ANTXR1: variants seen among roughly 807,000 people sequenced by gnomAD.
ANTXR1 encodes anthrax toxin receptor 1.
A neutral mutation model predicts 78.1 loss-of-function variants in ANTXR1; 19 were observed. The observed-to-expected ratio is 0.24, with a 90% CI of 0.17 to 0.36. The LOEUF is 0.36. ANTXR1 is among the 10% of genes least tolerant of loss of function. ANTXR1 has a pLI of 1.00. For missense variants in ANTXR1, 518 were observed against 718.6 expected (o/e 0.72, Z 3.19); for synonymous variants, 273 against 260.5 (o/e 1.05, Z -0.46).
chr2:69,203,135 A>G (rs1674815293), intron 17 of ANTXR1, among the ~76,000 whole-genome samples: 1 of 152,262 alleles, frequency 6.6e-6, no homozygotes, highest in African/African-American at 2.4e-5. Flanking sequence ...CAGAATTCCT[A>G]TCTGACACCA....
chr2:69,091,765 G>A (rs896861057), intron 9 of ANTXR1, among the ~76,000 whole-genome samples: 5 of 152,168 alleles, frequency 3.3e-5, no homozygotes, highest in Admixed American at 2.6e-4. Flanking sequence ...GGTTGTCCCT[G>A]TAGAGGGCCA....
intron 9 of ANTXR1, among the ~76,000 whole-genome samples, chr2:69,093,029 G>C (rs1378014277): frequency 6.6e-6 from 1 of 152,218 alleles, no homozygotes; most frequent in Non-Finnish European, 1.5e-5. Flanking sequence ...ACCTTGGAAT[G>C]AATCAGAAAG....
chr2:69,093,076 A>G (rs1371388483), intron 9 of ANTXR1, among the ~76,000 whole-genome samples: 1 of 152,240 alleles, frequency 6.6e-6, no homozygotes, highest in Non-Finnish European at 1.5e-5. Flanking sequence ...TTAATTCACT[A>G]GTATAATGAA....
intron 12 of ANTXR1, among the ~76,000 whole-genome samples, chr2:69,131,581 A>G (rs1672748250): frequency 6.6e-6 from 1 of 152,182 alleles, no homozygotes; most frequent in South Asian, 2.1e-4. Context: ...ATGTTTCTTG[A>G]GGCAAAACAG....
At chr2:69,015,371 A>G (rs1364583513) in intron 1 of ANTXR1, among the ~76,000 whole-genome samples, 1 of 152,082 alleles carries the variant, frequency 6.6e-6, no homozygotes, top group Non-Finnish European at 1.5e-5. Context: ...TATAATGTAA[A>G]TTAATAAAAA....
At chr2:69,196,599 C>A (rs1208475790) in intron 17 of ANTXR1, among the ~76,000 whole-genome samples, 4 of 152,166 alleles carry the variant, frequency 2.6e-5, no homozygotes, top group Non-Finnish European at 5.9e-5. Flanking sequence ...ACTAGAGAGG[C>A]CTGCCTTGCT....
chr2:69,170,030 G>A (rs539861250), intron 13 of ANTXR1, among the ~76,000 whole-genome samples: 4 of 152,342 alleles, frequency 2.6e-5, no homozygotes, highest in Admixed American at 6.5e-5. Context: ...CAGAAGAGAC[G>A]CAAATGAGAC....
chr2:69,143,549 G>C (rs374852527), intron 12 of ANTXR1, among the ~76,000 whole-genome samples: 108 of 152,264 alleles, frequency 7.1e-4, no homozygotes, highest in African/African-American at 2.0e-3. Flanking sequence ...ATCTAGGCTA[G>C]AGATGAAGAC....
In ANTXR1 at chr2:69,155,605, T is replaced by A. The variant is rs558802355; in HGVS notation, c.1047+3341T>A. The stretch of plus-strand genomic sequence containing the variant: ...CTAAAACAGAAAAGGATCATTTTTT[T>A]AAAAAAAGTTGCAATGTATTAGACG... On this transcript the variant is annotated intron_variant, in intron 13 of 17. Coordinates refer to ENST00000303714, the MANE Select transcript of ANTXR1 (RefSeq NM_032208.3). Among the ~76,000 whole-genome samples the A allele has an allele frequency of 1.6e-4, 25 of 152,258 alleles. No homozygotes were observed. The East Asian group carries it at 1.7e-3, about 11-fold the overall frequency.
chr2:69,244,486 G>T (rs1234124279), intron 17 of ANTXR1, among the ~76,000 whole-genome samples: 2 of 152,214 alleles, frequency 1.3e-5, no homozygotes, highest in Non-Finnish European at 2.9e-5. Flanking sequence ...TTTGGAGAAG[G>T]CAAGGCGTGG....
At chr2:69,227,678 C>A (rs961338967) in intron 17 of ANTXR1, among the ~76,000 whole-genome samples, 5 of 152,206 alleles carry the variant, frequency 3.3e-5, no homozygotes, top group Admixed American at 3.3e-4. Flanking sequence ...GCCCAGGCTC[C>A]TTCCATCTTG....
intron 14 of ANTXR1, among the ~76,000 whole-genome samples, chr2:69,171,756 C>CT: frequency 6.6e-6 from 1 of 152,156 alleles, no homozygotes; most frequent in Admixed American, 6.5e-5. Flanking sequence ...TCAGCAGGGA[C>CT]TTTTAGGATG....
chr2:69,207,873 T>G (rs1046005600), intron 17 of ANTXR1, among the ~76,000 whole-genome samples: 1 of 152,174 alleles, frequency 6.6e-6, no homozygotes, highest in Admixed American at 6.5e-5. Flanking sequence ...AGTGGAGACA[T>G]AGTCAGGTGG....
intron 9 of ANTXR1, among the ~76,000 whole-genome samples, chr2:69,097,155 A>G (rs1475142961): frequency 2.0e-5 from 3 of 152,202 alleles, no homozygotes. Flanking sequence ...CCTGTGCCTG[A>G]GCACAGTCTT....
chr2:69,046,505 C>T (rs1242848864), intron 3 of ANTXR1, among the ~76,000 whole-genome samples: 2 of 152,188 alleles, frequency 1.3e-5, no homozygotes, highest in Admixed American at 1.3e-4. Context: ...TTGCTGGAAG[C>T]AGCATTTTGT....
In ANTXR1 at chr2:69,013,397, A is replaced by G; in HGVS notation, c.-103A>G. ...GTTGCGAGGGAGCGAGGGGGAATAA[A>G]GGACCCGCGAGGAAGGGCCCGCGGA... On this transcript the variant is annotated 5_prime_UTR_variant, in exon 1 of 18. Coordinates refer to ENST00000303714, the MANE Select transcript of ANTXR1 (RefSeq NM_032208.3). The surrounding 1 kb of genome is among the most constrained non-coding windows in gnomAD (Gnocchi z 5.0). 5 of 1,500,138 alleles carry G rather than the reference A, an allele frequency of 3.3e-6. No homozygotes were observed. The highest frequency in any genetic ancestry group is 2.3e-4 in the Middle Eastern group (1 of 4,278). The allele number at this position is 1,500,138 out of a possible 1,614,324, so 92.9% of individuals were successfully genotyped here. A position where few individuals can be genotyped will look rare whatever the true frequency, so the allele number is the denominator to read the frequency against.
intron 17 of ANTXR1, among the ~76,000 whole-genome samples, chr2:69,241,636 G>C (rs1196004175): frequency 6.6e-6 from 1 of 152,102 alleles, no homozygotes; most frequent in Non-Finnish European, 1.5e-5. Flanking sequence ...CTACAATTTT[G>C]CTACATTTTT....
chr2:69,182,795 A>G (rs1674310577), intron 16 of ANTXR1, 135 bp downstream of exon 16: 1 of 1,181,216 alleles, frequency 8.5e-7, no homozygotes, highest in Non-Finnish European at 1.2e-6. Flanking sequence ...ATCTAAAATT[A>G]TGGACTTGAA....
intron 1 of ANTXR1, among the ~76,000 whole-genome samples, chr2:69,014,068 G>A (rs937833042): frequency 1.1e-4 from 17 of 152,318 alleles, no homozygotes; most frequent in African/African-American, 4.1e-4. Flanking sequence ...GCCAATCGTC[G>A]CATTTTGTTT....
Sources: gnomAD v4.1 joint callset for allele counts (sites outside exome capture counted in the v4.1 genomes callset) on GRCh38, gnomAD v4.1.1 for gene constraint, Gnocchi (gnomAD v3.1) non-coding constraint, MANE v1.5 for transcripts, NCBI Gene and HGNC (gene_info 2026-07-23, HGNC 2026-07-21) for gene names.